The following CLMN variants were observed in gnomAD, a reference collection of about 807,000 sequenced individuals.
CLMN encodes calmin (calponin-like, transmembrane).
In CLMN, 57 loss-of-function variants were observed where a neutral mutation model predicts 92.7. That is an observed-to-expected ratio of 0.61 (90% CI 0.50 to 0.77). CLMN has a LOEUF of 0.77. CLMN is among the 30% of genes least tolerant of loss of function. CLMN has a pLI of 0.00. For synonymous variants in CLMN, 466 were observed against 470.6 expected (o/e 0.99, Z 0.13); for missense variants, 1,158 against 1,237.5 (o/e 0.94, Z 0.96).
intron 1 of CLMN, among the ~76,000 whole-genome samples, chr14:95,312,218 C>G (rs931056393): frequency 6.6e-6 from 1 of 152,158 alleles, no homozygotes; most frequent in African/African-American, 2.4e-5. Context: ...TCACCATAAC[C>G]CTATCCTCTC....
intron 2 of CLMN, among the ~76,000 whole-genome samples, chr14:95,227,169 C>G (rs913973141): frequency 6.6e-6 from 1 of 152,180 alleles, no homozygotes; most frequent in African/African-American, 2.4e-5. Context: ...GCCACCCTTT[C>G]CCTGTGGGAA....
chr14:95,216,183 C>T (rs548101063), intron 4 of CLMN, among the ~76,000 whole-genome samples: 12 of 152,278 alleles, frequency 7.9e-5, no homozygotes, highest in South Asian at 6.2e-4. Flanking sequence ...TCTCACATGG[C>T]GACAGGCAAG....
intron 1 of CLMN, among the ~76,000 whole-genome samples, chr14:95,265,548 A>T (rs1271818938): frequency 1.3e-5 from 2 of 152,186 alleles, no homozygotes; most frequent in African/African-American, 2.4e-5. Context: ...ACCCCTGACT[A>T]ATATGCATAG....
chr14:95,266,300 T>A (rs991903048), intron 1 of CLMN, among the ~76,000 whole-genome samples: 1 of 152,162 alleles, frequency 6.6e-6, no homozygotes, highest in African/African-American at 2.4e-5. Context: ...ATCTTGCATT[T>A]AGAAAAACCT....
chr14:95,206,886 C>G (rs1409386503), intron 8 of CLMN, among the ~76,000 whole-genome samples: 3 of 152,142 alleles, frequency 2.0e-5, no homozygotes, highest in Non-Finnish European at 4.4e-5. Flanking sequence ...TAATGAAAGC[C>G]CCAATGCCTA....
chr14:95,265,435 A>T (rs1042195131), intron 1 of CLMN, among the ~76,000 whole-genome samples: 4 of 152,140 alleles, frequency 2.6e-5, no homozygotes, highest in African/African-American at 9.7e-5. Context: ...GACCTACCTT[A>T]CTGACTTTGA....
At chr14:95,283,553 T>G (rs1900221768) in intron 1 of CLMN, among the ~76,000 whole-genome samples, 1 of 152,180 alleles carries the variant, frequency 6.6e-6, no homozygotes, top group South Asian at 2.1e-4. Flanking sequence ...CCTAGAGACT[T>G]GTTGAATGGT....
chr14:95,290,137 C>A (rs1396911293), intron 1 of CLMN, among the ~76,000 whole-genome samples: 1 of 152,256 alleles, frequency 6.6e-6, no homozygotes, highest in African/African-American at 2.4e-5. Flanking sequence ...TTCTCGTTGA[C>A]ACCTGCAGAG....
chr14:95,255,084 A>G (rs1898941373), intron 1 of CLMN, among the ~76,000 whole-genome samples: 1 of 152,210 alleles, frequency 6.6e-6, no homozygotes, highest in Admixed American at 6.5e-5. Flanking sequence ...ACACTCCAGG[A>G]AACACCAGGG....
intron 3 of CLMN, 126 bp from the exon 4 acceptor site, chr14:95,221,900 A>G (rs1169914311): frequency 3.6e-6 from 3 of 826,316 alleles, no homozygotes; most frequent in African/African-American, 3.5e-5. Flanking sequence ...AGGGGCTCAC[A>G]GCTAAAACCC....
chr14:95,316,676 C>T (rs1901788419), intron 1 of CLMN, among the ~76,000 whole-genome samples: 1 of 152,212 alleles, frequency 6.6e-6, no homozygotes, highest in East Asian at 1.9e-4. Context: ...ACTTCTAAGT[C>T]AACTTAAACT....
chr14:95,241,530 G>C (rs1898242182), intron 1 of CLMN, among the ~76,000 whole-genome samples: 3 of 152,214 alleles, frequency 2.0e-5, no homozygotes, highest in Admixed American at 2.0e-4. Flanking sequence ...AACAAAAAGT[G>C]ACAACAGCAT....
At chr14:95,257,612 T>C (rs575950579) in intron 1 of CLMN, among the ~76,000 whole-genome samples, 2 of 152,376 alleles carry the variant, frequency 1.3e-5, no homozygotes, top group East Asian at 3.9e-4. Flanking sequence ...TTTAATTCTT[T>C]CAACGACAAC....
intron 1 of CLMN, among the ~76,000 whole-genome samples, chr14:95,235,190 C>T (rs973593099): frequency 6.6e-6 from 1 of 152,166 alleles, no homozygotes; most frequent in Non-Finnish European, 1.5e-5. Context: ...CAGTAAATGG[C>T]TCAGAGTTTC....
At chr14:95,300,762 C>A (rs188381000) in intron 1 of CLMN, among the ~76,000 whole-genome samples, 12 of 152,332 alleles carry the variant, frequency 7.9e-5, no homozygotes, top group South Asian at 2.1e-4. Context: ...CTGTAGTCTG[C>A]CATCACAGCC....
At chr14:95,235,859 G>A (rs926583505) in intron 1 of CLMN, among the ~76,000 whole-genome samples, 2 of 152,104 alleles carry the variant, frequency 1.3e-5, no homozygotes, top group Non-Finnish European at 2.9e-5. Context: ...CTCTACACGC[G>A]CTCGCCCAGA....
Position 95,317,387 on chromosome 14 carries a change from G to A in CLMN, c.82+2324C>T, listed in dbSNP as rs553283151. 1.3e-3 allele frequency among the ~76,000 whole-genome samples: 202 copies of A among 152,230 alleles called. 7 individuals carry two copies. The South Asian group carries it at 0.038, about 29-fold the overall frequency. On this transcript the variant is annotated intron_variant, in intron 1 of 12. Transcript: ENST00000298912. ...CAATGCTAAGCAAAGCACAACGCCC[G>A]ACACGGTAACTCTACAGTGCTAATG...
Position 95,235,475 on chromosome 14 carries a change from G to C in CLMN, c.83-5342C>G, listed in dbSNP as rs569690183. Among the ~76,000 whole-genome samples, 124 of 152,306 alleles carry C rather than the reference G, an allele frequency of 8.1e-4. 1 individual carries two copies. The South Asian group carries it at 0.015, about 18-fold the overall frequency. ...CATAGGACAAAGACCAGGCAGTCTA[G>C]AGCCAGACACACAGGCTCCACCACA... On this transcript the variant is annotated intron_variant, in intron 1 of 12. Transcript: ENST00000298912.
At chr14:95,215,813 CTCTGTGTGTGTGTGTG>C (rs769239951) in intron 4 of CLMN, 80 bp from the exon 5 acceptor site, 57,025 of 838,286 alleles carry the variant, frequency 0.068, 1,851 homozygotes, top group South Asian at 0.11. Context: ...CTCTCTCTCT[CTCTGTGTGTGTGTGTG>C]TGTGTGTGTG....
Sources: gnomAD v4.1 joint callset for allele counts (sites outside exome capture counted in the v4.1 genomes callset) on GRCh38, gnomAD v4.1.1 for gene constraint, MANE v1.5 for transcripts, NCBI Gene and HGNC (gene_info 2026-07-23, HGNC 2026-07-21) for gene names.